Variants in ICA1 observed in about 807,000 individuals in gnomAD.
The protein encoded by ICA1 is 69 kDa islet cell autoantigen.
ICA1 carries 40 observed loss-of-function variants against 71.0 expected under a neutral mutation model. The ratio of observed to expected loss-of-function variants is 0.56; its 90% CI spans 0.44 to 0.73. The LOEUF is 0.73. ICA1 is among the 30% of genes least tolerant of loss of function. The pLI is 0.00. For synonymous variants in ICA1, 207 were observed against 209.5 expected, an observed-to-expected ratio of 0.99 and a Z score of 0.10; for missense variants, 578 against 576.5, an observed-to-expected ratio of 1.00 and a Z score of -0.03.
intron 4 of ICA1, among the ~76,000 whole-genome samples, chr7:8,227,316 A>G (rs115276210): frequency 0.01 from 1,562 of 152,284 alleles, 19 homozygotes; most frequent in African/African-American, 0.036. Context: ...AAACCAAGTG[A>G]GAGACTAATG....
intron 6 of ICA1, among the ~76,000 whole-genome samples, chr7:8,197,130 G>A: frequency 6.6e-6 from 1 of 150,830 alleles, no homozygotes; most frequent in Non-Finnish European, 1.5e-5. Context: ...TTTGGGAAGG[G>A]GTAAAAAAGA....
At chr7:8,167,094 AC>A (rs1806284855) in intron 6 of ICA1, among the ~76,000 whole-genome samples, 1 of 152,204 alleles carries the variant, frequency 6.6e-6, no homozygotes, top group African/African-American at 2.4e-5. Flanking sequence ...AAAAGGAATT[AC>A]CATTTGACCC....
In ICA1 at chr7:8,228,629, T is replaced by C; in HGVS notation, c.228A>G (p.Ala76=). Residue 76 remains alanine, a synonymous_variant, in exon 4 of 14, where the codon GCA becomes GCG. Transcript: ENST00000402384. ...ATATCCTCTTTTGATAGAGTACAATTGCTTTCGATAAGTCCAGACAGGTTC... is the reference window on the plus strand; with the variant it reads ...ATATCCTCTTTTGATAGAGTACAATCGCTTTCGATAAGTCCAGACAGGTTC... The part of the protein sequence containing the change: ...IQRTCLDLSK[A]IVLYQKRICF... The C allele has an allele frequency of 6.2e-7, 1 of 1,601,196 alleles. No homozygotes were observed. Among genetic ancestry groups the C allele is most frequent in the Non-Finnish European group, 8.5e-7 (1 of 1,173,204 alleles).
rs1796327954 is a variant in ICA1, at chr7:8,144,798, T to C, written c.805-826A>G. ...CAAACCTATAAATACAAAATAAACA[T>C]CTCAGGATACTTATCCTTCTTATAT... On this transcript the variant is annotated intron_variant, in intron 8 of 13. Transcript: ENST00000402384. The surrounding 1 kb of genome is among the most constrained non-coding windows in gnomAD (Gnocchi z 4.5). Among the ~76,000 whole-genome samples the C allele has an allele frequency of 6.6e-6, 1 of 152,142 alleles. No homozygotes were observed. Among genetic ancestry groups the C allele is most frequent in the African/African-American group, 2.4e-5 (1 of 41,436 alleles).
At chr7:8,235,846 T>C (rs998119295) in intron 2 of ICA1, 64 bp downstream of exon 2, 2 of 1,524,946 alleles carry the variant, frequency 1.3e-6, no homozygotes, top group Admixed American at 3.4e-5. Flanking sequence ...TCAATAGATG[T>C]TTATTGATCA....
At chr7:8,127,076 C>T (rs1318229303) in intron 13 of ICA1, among the ~76,000 whole-genome samples, 1 of 151,618 alleles carries the variant, frequency 6.6e-6, no homozygotes, top group African/African-American at 2.4e-5. Context: ...TGGGTTCAAG[C>T]GATTCTCCTG....
At chr7:8,239,334 G>C (rs1368977231) in intron 1 of ICA1, among the ~76,000 whole-genome samples, 1 of 152,146 alleles carries the variant, frequency 6.6e-6, no homozygotes, top group Non-Finnish European at 1.5e-5. Context: ...TGGTTTATCA[G>C]ACATAAACTG....
At chr7:8,203,300 A>C (rs191676430) in intron 6 of ICA1, among the ~76,000 whole-genome samples, 2 of 152,330 alleles carry the variant, frequency 1.3e-5, no homozygotes, top group Admixed American at 6.5e-5. Flanking sequence ...CCAGTGGTTT[A>C]AGTGACTTTT....
chr7:8,228,146 T>C (rs1181698013), intron 4 of ICA1, among the ~76,000 whole-genome samples: 1 of 152,232 alleles, frequency 6.6e-6, no homozygotes, highest in Non-Finnish European at 1.5e-5. Flanking sequence ...TATGAAAATA[T>C]TGTTCTGTAG....
intron 8 of ICA1, among the ~76,000 whole-genome samples, chr7:8,145,291 T>C (rs957962452): frequency 2.0e-5 from 3 of 152,198 alleles, no homozygotes; most frequent in African/African-American, 7.2e-5. Context: ...AACTTTCCCA[T>C]CTTGCTCCCT....
intron 6 of ICA1, among the ~76,000 whole-genome samples, chr7:8,210,565 T>C (rs1260384019): frequency 6.6e-6 from 1 of 152,006 alleles, no homozygotes; most frequent in Non-Finnish European, 1.5e-5. Flanking sequence ...TTTCCTAGCC[T>C]ATCCATTTAT....
intron 12 of ICA1, among the ~76,000 whole-genome samples, chr7:8,137,091 TCGTATTTGCTGTG>T: frequency 6.6e-6 from 1 of 151,092 alleles, no homozygotes; most frequent in South Asian, 2.1e-4. Context: ...AAATACAGAC[TCGTATTTGCTGTG>T]TCTGGGTAAA....
chr7:8,177,478 C>A (rs1780977343), intron 6 of ICA1, among the ~76,000 whole-genome samples: 1 of 152,212 alleles, frequency 6.6e-6, no homozygotes, highest in Admixed American at 6.5e-5. Flanking sequence ...TCTCTCTAAT[C>A]TGAGAAGCAC....
intron 6 of ICA1, among the ~76,000 whole-genome samples, chr7:8,188,360 A>T (rs1282680786): frequency 1.3e-5 from 2 of 152,170 alleles, no homozygotes; most frequent in African/African-American, 4.8e-5. Context: ...CATCCTACAC[A>T]GAGCTACCAA....
intron 6 of ICA1, among the ~76,000 whole-genome samples, chr7:8,185,235 C>T (rs903378906): frequency 6.6e-6 from 1 of 152,066 alleles, no homozygotes; most frequent in African/African-American, 2.4e-5. Flanking sequence ...TTAATCCTGA[C>T]CTTGTAAGAA....
At chr7:8,238,103 TA>T (rs1802468882) in intron 1 of ICA1, among the ~76,000 whole-genome samples, 1 of 152,196 alleles carries the variant, frequency 6.6e-6, no homozygotes, top group African/African-American at 2.4e-5. Context: ...TCAATGACAT[TA>T]AATGAGGTCT....
At chr7:8,233,817 C>T (rs1367777485) in intron 2 of ICA1, among the ~76,000 whole-genome samples, 1 of 152,124 alleles carries the variant, frequency 6.6e-6, no homozygotes. Flanking sequence ...TGGTTGCAGG[C>T]TTCTGATGTT....
chr7:8,189,329 A>T (rs140470281), intron 6 of ICA1, among the ~76,000 whole-genome samples: 1 of 152,286 alleles, frequency 6.6e-6, no homozygotes, highest in East Asian at 1.9e-4. Context: ...ATTTAGTACA[A>T]TCCTATTGTC....
chr7:8,115,105 C>A (rs1383311204), intron 13 of ICA1: 1 of 152,134 alleles, frequency 6.6e-6, no homozygotes, highest in Admixed American at 6.5e-5. Context: ...GATAGTGTAC[C>A]GATCACTTTA....
Sources: gnomAD v4.1 joint callset for allele counts (sites outside exome capture counted in the v4.1 genomes callset) on GRCh38, gnomAD v4.1.1 for gene constraint, Gnocchi (gnomAD v3.1) non-coding constraint, MANE v1.5 for transcripts, NCBI Gene and HGNC (gene_info 2026-07-23, HGNC 2026-07-21) for gene names.